Variants in LRFN5 observed in about 807,000 individuals in gnomAD.
The protein encoded by LRFN5 is leucine-rich repeat and fibronectin type-III domain-containing protein 5.
LRFN5 carries 24 observed loss-of-function variants against 45.6 expected under a neutral mutation model. The observed-to-expected ratio is 0.53, with a 90% CI of 0.38 to 0.74. LRFN5 has a LOEUF of 0.74. LRFN5 is among the 30% of genes least tolerant of loss of function. The probability of loss-of-function intolerance (pLI) is 0.00; values close to 1 mark genes in which losing one functional copy is unlikely to be tolerated. For missense variants in LRFN5, 776 were observed against 861.5 expected (o/e 0.90, Z 1.24); for synonymous variants, 340 against 313.8 (o/e 1.08, Z -0.88).
In LRFN5 at chr14:41,800,779, A is replaced by G. The variant is rs986166950; in HGVS notation, c.-21+33750A>G. On this transcript the variant is annotated intron_variant, in intron 2 of 5. Transcript: ENST00000298119. ...AACTCATAAAAGATTACCCTGGAGA[A>G]AAAAAAAACACTGCAGTTCAAGGAA... Among the ~76,000 whole-genome samples, 7 of 89,702 alleles carry G rather than the reference A, an allele frequency of 7.8e-5. No individual in the cohort carries two copies. In the South Asian group the frequency reaches 1.8e-3, roughly 24 times the overall value. The allele number at this position is 89,702 out of a possible 152,430, so 58.8% of individuals were successfully genotyped here.
chr14:41,700,777 A>T (rs1234463994), intron 1 of LRFN5: 1 of 152,080 alleles, frequency 6.6e-6, no homozygotes, highest in East Asian at 1.9e-4. Context: ...GATGAGGAAG[A>T]TCATAACCAA....
At chr14:41,683,189 C>T (rs1881977619) in intron 1 of LRFN5, among the ~76,000 whole-genome samples, 1 of 152,128 alleles carries the variant, frequency 6.6e-6, no homozygotes, top group African/African-American at 2.4e-5. Context: ...CAATGTGATA[C>T]ATCGTATCAA....
At chr14:41,654,530 G>C (rs1182136151) in intron 1 of LRFN5, among the ~76,000 whole-genome samples, 1 of 151,944 alleles carries the variant, frequency 6.6e-6, no homozygotes. Flanking sequence ...GAGTTGAAGG[G>C]CTTAGAACAC....
At position 41,894,993 on chromosome 14, in the gene LRFN5, G is replaced by A. The variant is rs774670306; in HGVS notation, c.2098+3031G>A. On this transcript the variant is annotated intron_variant, in intron 4 of 5. Coordinates refer to ENST00000298119, the MANE Select transcript of LRFN5 (RefSeq NM_152447.5). ...ACATATATATTATTTTTGCTTCCTC[G>A]TTCTTATTTTTCTTTTATTTTTGTC... 164 of 978,630 alleles carry A rather than the reference G, an allele frequency of 1.7e-4. 2 individuals carry two copies. In the African/African-American group the frequency reaches 2.7e-3, roughly 16 times the overall value. The allele number at this position is 978,630 out of a possible 1,614,324, so 60.6% of individuals were successfully genotyped here. A position where few individuals can be genotyped will look rare whatever the true frequency, so the allele number is the denominator to read the frequency against.
At chr14:41,757,224 A>T (rs1475706764) in intron 1 of LRFN5, among the ~76,000 whole-genome samples, 1 of 152,172 alleles carries the variant, frequency 6.6e-6, no homozygotes, top group African/African-American at 2.4e-5. Context: ...TTGAGGAGGC[A>T]GTCTGTTTGT....
At chr14:41,821,116 G>C (rs1270637384) in intron 2 of LRFN5, among the ~76,000 whole-genome samples, 3 of 151,830 alleles carry the variant, frequency 2.0e-5, no homozygotes, top group Admixed American at 6.6e-5. Flanking sequence ...TTTCTTGCCT[G>C]ATTGTTCTTG....
At chr14:41,845,544 A>G (rs1346629630) in intron 2 of LRFN5, among the ~76,000 whole-genome samples, 1 of 151,986 alleles carries the variant, frequency 6.6e-6, no homozygotes, top group African/African-American at 2.4e-5. Flanking sequence ...CTGTTCTCTC[A>G]GTAGTCTACA....
chr14:41,678,369 A>C (rs1262252811), intron 1 of LRFN5, among the ~76,000 whole-genome samples: 1 of 152,244 alleles, frequency 6.6e-6, no homozygotes, highest in East Asian at 1.9e-4. Flanking sequence ...ATATATATAC[A>C]TCTAACAACA....
At chr14:41,825,085 G>C (rs1888247824) in intron 2 of LRFN5, among the ~76,000 whole-genome samples, 1 of 152,196 alleles carries the variant, frequency 6.6e-6, no homozygotes, top group African/African-American at 2.4e-5. Flanking sequence ...GCCCAGAACA[G>C]ATAGCTCTGC....
rs1312895541 is a variant in LRFN5, at chr14:41,704,432, C to CTGTGTG, written c.-196-62421_-196-62420insGTGTGT. 1.9e-3 allele frequency among the ~76,000 whole-genome samples: 53 copies of CTGTGTG among 28,558 alleles called. No homozygotes were observed. In the East Asian group the frequency reaches 0.029, roughly 16 times the overall value. The allele number at this position is 28,558 out of a possible 152,430, so 18.7% of individuals were successfully genotyped here. On this transcript the variant is annotated intron_variant, in intron 1 of 5. Transcript: ENST00000298119. ...TTTCTCTCTCTCTCTCTCTCTCTCT[C>CTGTGTG]TCTCTCTCTCTCTCTCTGTGTGTGT...
intron 1 of LRFN5, among the ~76,000 whole-genome samples, chr14:41,645,961 A>G (rs1879795722): frequency 1.3e-5 from 2 of 152,208 alleles, no homozygotes; most frequent in African/African-American, 4.8e-5. Context: ...AAGTGATTTT[A>G]AAATTGTTTT....
intron 2 of LRFN5, among the ~76,000 whole-genome samples, chr14:41,837,951 T>C (rs1023102724): frequency 3.9e-5 from 6 of 152,202 alleles, no homozygotes; most frequent in African/African-American, 1.2e-4. Flanking sequence ...TATGAACATA[T>C]ACAACATTAA....
At chr14:41,864,627 C>T (rs1351004743) in intron 2 of LRFN5, among the ~76,000 whole-genome samples, 1 of 152,132 alleles carries the variant, frequency 6.6e-6, no homozygotes, top group Non-Finnish European at 1.5e-5. Flanking sequence ...AGGTCACATT[C>T]TGAGGTACTG....
At chr14:41,809,586 A>G (rs559519772) in intron 2 of LRFN5, among the ~76,000 whole-genome samples, 46 of 151,982 alleles carry the variant, frequency 3.0e-4, no homozygotes, top group Non-Finnish European at 5.9e-4. Context: ...ATTAATTATT[A>G]ACAATATTAC....
intron 2 of LRFN5, among the ~76,000 whole-genome samples, chr14:41,791,288 G>A (rs149002329): frequency 6.6e-6 from 1 of 151,930 alleles, no homozygotes; most frequent in Non-Finnish European, 1.5e-5. Flanking sequence ...TAACCTGGAG[G>A]CAAGGTGATA....
chr14:41,640,869 A>C (rs1358036090), intron 1 of LRFN5, among the ~76,000 whole-genome samples: 1 of 152,074 alleles, frequency 6.6e-6, no homozygotes, highest in Non-Finnish European at 1.5e-5. Flanking sequence ...TATCTTAATG[A>C]CCTATTTTTA....
chr14:41,886,679 G>A lies in LRFN5; in HGVS notation c.54G>A (p.Gln18=). Residue 18 remains glutamine, a synonymous_variant, in exon 3 of 6, where the codon CAG becomes CAA. Coordinates refer to ENST00000298119, the MANE Select transcript of LRFN5 (RefSeq NM_152447.5). ...LFLIGIAVKA[Q]ICPKRCVCQI... is the part of the protein sequence containing the mutation. ...TCATTGGCATAGCAGTGAAAGCTCA[G>A]ATCTGTCCAAAGCGTTGTGTCTGTC... The A allele has an allele frequency of 6.2e-7, 1 of 1,612,068 alleles. No individual in the cohort carries two copies. The highest frequency in any genetic ancestry group is 8.5e-7 in the Non-Finnish European group (1 of 1,179,518).
chr14:41,756,092 C>T (rs1885364990), intron 1 of LRFN5, among the ~76,000 whole-genome samples: 1 of 152,092 alleles, frequency 6.6e-6, no homozygotes, highest in Non-Finnish European at 1.5e-5. Flanking sequence ...TGAATATTGG[C>T]CCCCACTCTC....
chr14:41,735,378 CT>C (rs1884380384), intron 1 of LRFN5, among the ~76,000 whole-genome samples: 1 of 152,104 alleles, frequency 6.6e-6, no homozygotes, highest in Non-Finnish European at 1.5e-5. Flanking sequence ...AGCAATCTCC[CT>C]ACCTCAGCCT....
Sources: allele counts gnomAD v4.1 joint callset (sites outside exome capture counted in the v4.1 genomes callset), GRCh38; gene constraint gnomAD v4.1.1; transcripts MANE v1.5; gene names NCBI Gene and HGNC (gene_info 2026-07-23, HGNC 2026-07-21).